ASPM: variants seen among roughly 807,000 people sequenced by gnomAD.
ASPM encodes assembly factor for spindle microtubules, also known as abnormal spindle-like microcephaly-associated protein.
In ASPM, 256 loss-of-function variants were observed where a neutral mutation model predicts 366.4. The observed-to-expected ratio is 0.70, with a 90% CI of 0.63 to 0.77. The LOEUF is 0.77. Ranked by LOEUF, ASPM falls within the 30% of genes least tolerant of loss-of-function variation. ASPM has a pLI of 0.00. For synonymous variants in ASPM, 1,414 were observed against 1,342.9 expected, an observed-to-expected ratio of 1.05 and a Z score of -1.16; for missense variants, 4,146 against 4,090.4, an observed-to-expected ratio of 1.01 and a Z score of -0.37.
In ASPM at chr1:197,093,064, T is replaced by C; in HGVS notation, c.9282A>G (p.Leu3094=). Residue 3094 remains leucine, a synonymous_variant, in exon 21 of 28, where the codon CTA becomes CTG. Transcript: ENST00000367409. ...VILQALVRGW[L]VRKRFLEQRA... is the part of the protein sequence containing the mutation. ...TGAAAATACTTACTCTTTTTCGTAC[T>C]AGCCAACCACGCACCAGTGCTTGTA... 6.2e-7 allele frequency: 1 copy of C among 1,608,908 alleles called. No individual in the cohort carries two copies. The highest frequency in any genetic ancestry group is 8.5e-7 in the Non-Finnish European group (1 of 1,176,098).
intron 4 of ASPM, chr1:197,138,835 C>A: frequency 1.2e-6 from 1 of 805,340 alleles, no homozygotes; most frequent in Admixed American, 1.7e-5. Context: ...TATAAAAAAT[C>A]TATTATTTCT....
chr1:197,091,094 AAAATATAC>A, intron 22 of ASPM, 53 bp from the exon 23 acceptor site: 1 of 1,345,766 alleles, frequency 7.4e-7, no homozygotes, highest in Non-Finnish European at 1.0e-6. Flanking sequence ...TTTTTTTAAA[AAAATATAC>A]AAATATACAT....
rs200467284 is a variant in ASPM, at chr1:197,085,734, CA to C, written c.10331+1068del. The stretch of plus-strand genomic sequence containing the variant: ...GTACAAAAATCAGATCAGTAGTTCC[CA>C]AAATCCAGGGAATAAAGAAAGAGAA... On this transcript the variant is annotated intron_variant, in intron 27 of 27. Coordinates refer to ENST00000367409, the MANE Select transcript of ASPM (RefSeq NM_018136.5). Among the ~76,000 whole-genome samples, 1,118 of 152,040 alleles carry C rather than the reference CA, an allele frequency of 7.4e-3. 13 individuals carry two copies. The highest frequency in any genetic ancestry group is 0.026 in the African/African-American group (1,069 of 41,478).
Position 197,102,604 on chromosome 1 carries a change from GTTA to G in ASPM, c.6644_6646del (p.Ile2215del), listed in dbSNP as rs773986304. 8 of 1,612,178 alleles carry G rather than the reference GTTA, an allele frequency of 5.0e-6. No individual in the cohort carries two copies. The East Asian group carries it at 1.3e-4, about 27-fold the overall frequency. On this transcript the variant is annotated inframe_deletion, in exon 18 of 28. Transcript: ENST00000367409. ...CCAGTATCTTTGCTGTACTGTTTTT[GTTA>G]TTTTCTTTAACTTATTAAAGTATGT... is the stretch of plus-strand genomic sequence containing the variant.
chr1:197,115,201 GA>G (rs1243997823), intron 17 of ASPM, among the ~76,000 whole-genome samples: 5 of 152,140 alleles, frequency 3.3e-5, no homozygotes, highest in African/African-American at 9.7e-5. Context: ...CCCATTTCAA[GA>G]AACTACTTTG....
Position 197,117,785 on chromosome 1 carries a change from A to C in ASPM, c.4065+4T>G. On this transcript the variant is annotated splice_donor_region_variant and intron_variant, in intron 17 of 27. Coordinates refer to ENST00000367409, the MANE Select transcript of ASPM (RefSeq NM_018136.5). The stretch of plus-strand genomic sequence containing the variant: ...AATTCAAAAATTAGTCCAGGATACT[A>C]TACCTGAATAAGTGATGCTGCTTTA... The C allele has an allele frequency of 6.2e-7, 1 of 1,609,904 alleles. No individual in the cohort carries two copies. Among genetic ancestry groups the C allele is most frequent in the Non-Finnish European group, 8.5e-7 (1 of 1,177,884 alleles).
chr1:197,105,259 T>C, intron 17 of ASPM, 74 bp from the exon 18 acceptor site: 1 of 1,140,916 alleles, frequency 8.8e-7, no homozygotes, highest in Non-Finnish European at 1.3e-6. Flanking sequence ...AAAATACTAA[T>C]TTTTCTAACA....
intron 17 of ASPM, among the ~76,000 whole-genome samples, chr1:197,111,919 T>A (rs956136410): frequency 1.2e-4 from 19 of 152,160 alleles, no homozygotes; most frequent in African/African-American, 4.6e-4. Context: ...GGTGGGAGTA[T>A]AAATTAGCTC....
At chr1:197,126,632 A>C (rs563457420) in intron 10 of ASPM, among the ~76,000 whole-genome samples, 1 of 152,294 alleles carries the variant, frequency 6.6e-6, no homozygotes, top group South Asian at 2.1e-4. Flanking sequence ...AAAATGTGAA[A>C]TATTTTAAGC....
intron 19 of ASPM, among the ~76,000 whole-genome samples, chr1:197,095,528 T>C (rs1441294462): frequency 6.6e-6 from 1 of 151,682 alleles, no homozygotes; most frequent in Non-Finnish European, 1.5e-5. Context: ...GAAATACAAT[T>C]AGCATAGACA....
intron 20 of ASPM, 123 bp downstream of exon 20, chr1:197,093,961 G>A (rs542075026): frequency 6.2e-5 from 39 of 629,500 alleles, no homozygotes; most frequent in Non-Finnish European, 1.1e-4. Flanking sequence ...TGCATACTTA[G>A]GTCTTAAAAA....
intron 26 of ASPM, among the ~76,000 whole-genome samples, chr1:197,087,910 G>T (rs2125086883): frequency 6.6e-6 from 1 of 152,280 alleles, no homozygotes; most frequent in East Asian, 1.9e-4. Flanking sequence ...TGACTCAGAG[G>T]TCTCATCGTA....
In ASPM at chr1:197,122,236, A is replaced by T; in HGVS notation, c.3664T>A (p.Ser1222Thr). The change falls in exon 15 of 28, where the codon TCT becomes ACT. Residue 1222 changes from serine to threonine, a missense_variant. Physicochemically the swap from Ser to Thr is moderately conservative, Grantham distance 58. This residue lies in a region of ASPM where 3,624 missense variants were observed against 3,591.7 expected (regional missense o/e 1.01). Transcript: ENST00000367409. The part of the protein sequence containing the change: ...NEKKNFHLVR[S>T]AVRDLGGIPA... ...ATTCCACCAAGGTCTCTAACTGCAG[A>T]CCTAACCAAGTGAAAATTTTTCTTT... is the stretch of plus-strand genomic sequence containing the variant. 1.2e-6 allele frequency: 2 copies of T among 1,612,936 alleles called. No homozygotes were observed. The highest frequency in any genetic ancestry group is 1.7e-6 in the Non-Finnish European group (2 of 1,179,074).
Position 197,090,346 on chromosome 1 carries a change from T to C in ASPM, c.9679A>G (p.Thr3227Ala). 2 of 1,612,274 alleles carry C rather than the reference T, an allele frequency of 1.2e-6. No individual in the cohort carries two copies. The highest frequency in any genetic ancestry group is 1.7e-6 in the Non-Finnish European group (2 of 1,178,982). ...CTTAGTCGTATAGCTTTAATTTTTGTACAATCATTTTTCTTCCTCCAAGAA... is the reference window on the plus strand; with the variant it reads ...CTTAGTCGTATAGCTTTAATTTTTGCACAATCATTTTTCTTCCTCCAAGAA... ...GYSWRKKNDC[T>A]KIKAIRLSLQ... Residue 3227 changes from threonine (T) to alanine (A), a missense_variant, in exon 24 of 28, where the codon ACA (threonine) becomes GCA (alanine). This residue lies in a region of ASPM where 3,624 missense variants were observed against 3,591.7 expected (regional missense o/e 1.01). Transcript: ENST00000367409.
chr1:197,146,186 G>A lies in ASPM; in HGVS notation c.252C>T (p.Ala84=), dbSNP rs1363103633. 1.8e-5 allele frequency: 29 copies of A among 1,613,752 alleles called. No individual in the cohort carries two copies. The highest frequency in any genetic ancestry group is 4.5e-5 in the East Asian group (2 of 44,862). The change falls in exon 1 of 28, where the codon GCC becomes GCT. Residue 84 remains alanine, a synonymous_variant. Coordinates refer to ENST00000367409, the MANE Select transcript of ASPM (RefSeq NM_018136.5). ...VAEVKISHFP[A]ADLGFSVSQR... ...GCGACACACTGAAGCCCAGGTCCGC[G>A]GCCGGGAAGTGGGAGATCTTCACTT...
intron 12 of ASPM, among the ~76,000 whole-genome samples, chr1:197,124,542 C>CA (rs1341679200): frequency 2.0e-5 from 3 of 149,978 alleles, no homozygotes; most frequent in African/African-American, 7.3e-5. Context: ...ACACCATCTA[C>CA]ACTGAAGTGA....
intron 6 of ASPM, 121 bp downstream of exon 6, chr1:197,133,229 T>G (rs572171706): frequency 9.0e-6 from 9 of 999,764 alleles, no homozygotes; most frequent in Non-Finnish European, 1.2e-5. Flanking sequence ...TCATGTTGTA[T>G]ACCTTAAATA....
rs1188158948 is a variant in ASPM at position 197,143,796 on chromosome 1, A to G, written c.456T>C (p.Asp152=). The G allele has an allele frequency of 6.2e-7, 1 of 1,612,250 alleles. No individual in the cohort carries two copies. Among genetic ancestry groups the G allele is most frequent in the Non-Finnish European group, 8.5e-7 (1 of 1,179,470 alleles). The part of the protein sequence containing the change: ...EQKKKKRSLW[D]TIKKKKISAS... ...CTGAAATTTTCTTCTTTTTAATGGT[A>G]TCCCAAAGACTCCTCTGCAAAAATA... Residue 152 remains aspartate, a synonymous_variant, in exon 3 of 28, where the codon GAT becomes GAC. Coordinates refer to ENST00000367409, the MANE Select transcript of ASPM (RefSeq NM_018136.5).
rs1029597546 is a variant in ASPM, at chr1:197,103,797, G to A, written c.5454C>T (p.Arg1818=). The A allele has an allele frequency of 6.2e-7, 1 of 1,612,898 alleles. No individual in the cohort carries two copies. Among genetic ancestry groups the A allele is most frequent in the South Asian group, 1.1e-5 (1 of 91,076 alleles). ...LQAAYRGYKV[R]QLIKQQSIAA... is the part of the protein sequence containing the mutation. ...CTATAGATTGTTGTTTGATTAGCTG[G>A]CGTACTTTATAACCTCTGTAAGCTG... The change falls in exon 18 of 28, where the codon CGC becomes CGT. Residue 1818 remains arginine (R), a synonymous_variant. Coordinates refer to ENST00000367409, the MANE Select transcript of ASPM (RefSeq NM_018136.5).
Sources: allele counts gnomAD v4.1 joint callset (sites outside exome capture counted in the v4.1 genomes callset), GRCh38; gene constraint gnomAD v4.1.1; regional missense constraint gnomAD v4.1.1; transcripts MANE v1.5; gene names NCBI Gene and HGNC (gene_info 2026-07-23, HGNC 2026-07-21).